Variants in EIF2AK3 observed in about 807,000 individuals in gnomAD.
EIF2AK3 encodes eukaryotic translation initiation factor 2-alpha kinase 3.
EIF2AK3 carries 50 observed loss-of-function variants against 113.5 expected under a neutral mutation model. That is an observed-to-expected ratio of 0.44 (90% confidence interval 0.35 to 0.56). The LOEUF (loss-of-function observed/expected upper bound fraction) is 0.56. Among genes scored for constraint, EIF2AK3 ranks in the 20% least tolerant of loss-of-function variants. The pLI is 0.00. For missense variants in EIF2AK3, 1,185 were observed against 1,378.0 expected (o/e 0.86, Z 2.22); for synonymous variants, 448 against 495.4 (o/e 0.90, Z 1.27).
intron 13 of EIF2AK3, among the ~76,000 whole-genome samples, chr2:88,573,066 G>A (rs765703686): frequency 1.1e-4 from 16 of 150,782 alleles, no homozygotes; most frequent in Non-Finnish European, 2.2e-4. Flanking sequence ...AGGTCAGAAC[G>A]TAGCAAAATG....
In EIF2AK3 at chr2:88,570,935, A is replaced by G; in HGVS notation, c.2924T>C (p.Met975Thr). The change falls in exon 14 of 17, where the codon ATG becomes ACG. Residue 975 changes from methionine (M) to threonine (T), a missense_variant. Physicochemically the swap from Met to Thr is moderately conservative, Grantham distance 81 (BLOSUM62 -1). Coordinates refer to ENST00000303236, the MANE Select transcript of EIF2AK3 (RefSeq NM_004836.7). ...DEEEQTVLTPMPAYARHTGQV... is the reference protein window; with the variant it reads ...DEEEQTVLTPTPAYARHTGQV... ...TCCTGTGTGTCTGGCATAAGCTGGC[A>G]TTGGGGTCAGAACCGTCTGCTCTTC... 6.2e-7 allele frequency: 1 copy of G among 1,614,110 alleles called. No individual in the cohort carries two copies. Among genetic ancestry groups the G allele is most frequent in the Admixed American group, 1.7e-5 (1 of 60,018 alleles).
intron 2 of EIF2AK3, among the ~76,000 whole-genome samples, chr2:88,609,495 G>T (rs1023432108): frequency 6.6e-6 from 1 of 152,168 alleles, no homozygotes; most frequent in African/African-American, 2.4e-5. Context: ...AAATGTTCTT[G>T]ATGAAGCAAT....
rs1674645297 is a variant in EIF2AK3, at chr2:88,583,466, C to G, written c.1727G>C (p.Ser576Thr). Residue 576 changes from serine (S) to threonine (T), a missense_variant, in exon 10 of 17, where the codon AGC becomes ACC. Physicochemically the swap from Ser to Thr is moderately conservative, Grantham distance 58. Coordinates refer to ENST00000303236, the MANE Select transcript of EIF2AK3 (RefSeq NM_004836.7). ...DSVSGEANDSSWNDIKNSGYI... is the reference protein window; with the variant it reads ...DSVSGEANDSTWNDIKNSGYI... ...TCCAGAGTTTTTTATGTCATTCCAG[C>G]TACTGTCATTGGCTTCACCACTTAC... 1.9e-6 allele frequency: 3 copies of G among 1,613,134 alleles called. No individual in the cohort carries two copies. The highest frequency in any genetic ancestry group is 2.5e-6 in the Non-Finnish European group (3 of 1,179,598).
chr2:88,595,469 C>G lies in EIF2AK3; in HGVS notation c.633G>C (p.Lys211Asn). The G allele has an allele frequency of 6.2e-7, 1 of 1,613,876 alleles. No individual in the cohort carries two copies. ...AAGTAAATTCAGCATTTTCACTTAC[C>G]TTTCCACTATATGCACTGAGTCCAT... ...TTYGLSAYSGKVRYICSALGC... is the reference protein window; with the variant it reads ...TTYGLSAYSGNVRYICSALGC... Residue 211 changes from lysine (K) to asparagine (N), a missense_variant and splice_region_variant, in exon 3 of 17, where the codon AAG becomes AAC. By Grantham distance (94) the Lys-to-Asn change is moderately conservative. This residue lies in a region of EIF2AK3 where 119 missense variants were observed against 178.7 expected (regional missense o/e 0.67). Coordinates refer to ENST00000303236, the MANE Select transcript of EIF2AK3 (RefSeq NM_004836.7).
chr2:88,606,034 C>T (rs1675263336), intron 2 of EIF2AK3, among the ~76,000 whole-genome samples: 1 of 152,100 alleles, frequency 6.6e-6, no homozygotes, highest in Admixed American at 6.6e-5. Context: ...AAAACCTCTG[C>T]AATGATTTGG....
At chr2:88,606,424 T>C (rs1675279953) in intron 2 of EIF2AK3, among the ~76,000 whole-genome samples, 1 of 152,176 alleles carries the variant, frequency 6.6e-6, no homozygotes, top group African/African-American at 2.4e-5. Flanking sequence ...GGGATTAATA[T>C]AACAAAATTA....
intron 13 of EIF2AK3, 22 bp downstream of exon 13, chr2:88,574,644 G>A: frequency 6.2e-7 from 1 of 1,613,448 alleles, no homozygotes; most frequent in Non-Finnish European, 8.5e-7. Context: ...AACCCCAAGG[G>A]TGATGCTCCA....
intron 7 of EIF2AK3, 84 bp downstream of exon 7, chr2:88,588,677 G>A: frequency 7.3e-7 from 1 of 1,377,668 alleles, no homozygotes; most frequent in Non-Finnish European, 1.0e-6. Context: ...TCTTATCTCT[G>A]CAGTATTCAA....
At chr2:88,588,244 G>T in intron 7 of EIF2AK3, 140 bp from the exon 8 acceptor site, 1 of 552,728 alleles carries the variant, frequency 1.8e-6, no homozygotes, top group Non-Finnish European at 2.9e-6. Flanking sequence ...TAAACAAATG[G>T]CCCAGAGCTC....
At chr2:88,621,986 TC>T (rs1675735616) in intron 1 of EIF2AK3, among the ~76,000 whole-genome samples, 1 of 149,500 alleles carries the variant, frequency 6.7e-6, no homozygotes, top group African/African-American at 2.5e-5. Context: ...AAACTCTGCA[TC>T]CCGGGTTCAA....
intron 11 of EIF2AK3, among the ~76,000 whole-genome samples, chr2:88,577,700 C>A (rs937122646): frequency 1.8e-4 from 27 of 152,080 alleles, no homozygotes; most frequent in African/African-American, 6.5e-4. Flanking sequence ...TTCTTCCTCT[C>A]TTCCATCCTC....
rs142396519 is a variant in EIF2AK3 at position 88,610,391 on chromosome 2, T to C, written c.438+3333A>G. On this transcript the variant is annotated intron_variant, in intron 2 of 16. Coordinates refer to ENST00000303236, the MANE Select transcript of EIF2AK3 (RefSeq NM_004836.7). ...TCAGAGTATAAAATGTTCATTGATATGGTTTCTGATTCCACACTGCAACTA... is the reference window on the plus strand; with the variant it reads ...TCAGAGTATAAAATGTTCATTGATACGGTTTCTGATTCCACACTGCAACTA... Among the ~76,000 whole-genome samples the C allele has an allele frequency of 4.6e-5, 7 of 152,344 alleles. No individual in the cohort carries two copies. In the East Asian group the frequency reaches 1.2e-3, roughly 25 times the overall value.
intron 2 of EIF2AK3, among the ~76,000 whole-genome samples, chr2:88,597,376 T>C (rs1281843011): frequency 6.6e-6 from 1 of 152,196 alleles, no homozygotes; most frequent in African/African-American, 2.4e-5. Context: ...TTAATCTCTT[T>C]CAGTCAGAGT....
At chr2:88,608,610 C>T (rs1248809751) in intron 2 of EIF2AK3, among the ~76,000 whole-genome samples, 2 of 151,548 alleles carry the variant, frequency 1.3e-5, no homozygotes, top group South Asian at 4.2e-4. Flanking sequence ...AGGTTAAGGA[C>T]CTTAAGAAAA....
At chr2:88,600,140 G>C (rs55991760) in intron 2 of EIF2AK3, among the ~76,000 whole-genome samples, 5 of 152,030 alleles carry the variant, frequency 3.3e-5, no homozygotes, top group African/African-American at 1.2e-4. Context: ...GCTGCTCTTC[G>C]CTAATTGGTT....
intron 13 of EIF2AK3, among the ~76,000 whole-genome samples, chr2:88,574,188 AT>A (rs1261368051): frequency 6.6e-6 from 1 of 151,990 alleles, no homozygotes; most frequent in Non-Finnish European, 1.5e-5. Context: ...AAGTGTGGAG[AT>A]TTGCCCCAAT....
intron 15 of EIF2AK3, among the ~76,000 whole-genome samples, chr2:88,561,910 GTTTAT>G (rs1673971771): frequency 6.6e-6 from 1 of 152,188 alleles, no homozygotes; most frequent in Admixed American, 6.5e-5. Flanking sequence ...TGTGGTCATG[GTTTAT>G]TTTGAGAGGA....
rs370481882 is a variant in EIF2AK3 at position 88,605,120 on chromosome 2, C to G, written c.438+8604G>C. On this transcript the variant is annotated intron_variant, in intron 2 of 16. Transcript: ENST00000303236. ...TGCTACTCAAACAAAAGTTTATGATCCAGGGCTGCTTACTTTGAACTTCTA... is the reference window on the plus strand; with the variant it reads ...TGCTACTCAAACAAAAGTTTATGATGCAGGGCTGCTTACTTTGAACTTCTA... 2.7e-4 allele frequency among the ~76,000 whole-genome samples: 41 copies of G among 152,200 alleles called. No individual in the cohort carries two copies. The South Asian group carries it at 7.5e-3, about 28-fold the overall frequency.
chr2:88,575,118 G>A lies in EIF2AK3; in HGVS notation c.2365C>T (p.Pro789Ser). 6.2e-7 allele frequency: 1 copy of A among 1,614,162 alleles called. No homozygotes were observed. The highest frequency in any genetic ancestry group is 1.1e-5 in the South Asian group (1 of 91,082). Residue 789 changes from proline (P) to serine (S), a missense_variant, in exon 13 of 17, where the codon CCT becomes TCT. This residue lies in a region of EIF2AK3 where 877 missense variants were observed against 1,024.2 expected (regional missense o/e 0.86). Transcript: ENST00000303236. ...CTTACATAAGGAGAAGCTTCAGAAG[G>A]ACAAAGTTCAAAGGAGTGCCCCTCA... Reference protein sequence around the residue: ...NDEGHSFELCPSEASPYVRSR... With the variant: ...NDEGHSFELCSSEASPYVRSR...
Sources: gnomAD v4.1 joint callset for allele counts (sites outside exome capture counted in the v4.1 genomes callset) on GRCh38, gnomAD v4.1.1 for gene constraint, gnomAD v4.1.1 regional missense constraint, MANE v1.5 for transcripts, NCBI Gene and HGNC (gene_info 2026-07-23, HGNC 2026-07-21) for gene names.